Variants in SLC4A7 observed in about 807,000 individuals in gnomAD.
The protein encoded by SLC4A7 is sodium bicarbonate cotransporter 3.
A neutral mutation model predicts 137.6 loss-of-function variants in SLC4A7; 51 were observed. That is an observed-to-expected ratio of 0.37 (90% CI 0.30 to 0.47). The LOEUF (loss-of-function observed/expected upper bound fraction) is 0.47. Among genes scored for constraint, SLC4A7 ranks in the 20% least tolerant of loss-of-function variants. The probability of loss-of-function intolerance (pLI) is 1.00; values close to 1 mark genes in which losing one functional copy is unlikely to be tolerated. For missense variants in SLC4A7, 1,247 were observed against 1,525.4 expected, an observed-to-expected ratio of 0.82 and a Z score of 3.04; for synonymous variants, 542 against 518.6, an observed-to-expected ratio of 1.05 and a Z score of -0.61.
At chr3:27,433,477 C>A (rs1038166142) in intron 6 of SLC4A7, among the ~76,000 whole-genome samples, 7 of 152,124 alleles carry the variant, frequency 4.6e-5, no homozygotes, top group African/African-American at 1.7e-4. Flanking sequence ...AATATGTAGA[C>A]CTGGGTCTGA....
chr3:27,463,831 T>A (rs1222974082), intron 1 of SLC4A7, among the ~76,000 whole-genome samples: 2 of 152,174 alleles, frequency 1.3e-5, no homozygotes, highest in African/African-American at 4.8e-5. Context: ...TTTGCTGTGT[T>A]GTTCTTTTCG....
At chr3:27,436,348 C>T in intron 5 of SLC4A7, 40 bp downstream of exon 5, 1 of 1,503,298 alleles carries the variant, frequency 6.7e-7, no homozygotes, top group Non-Finnish European at 9.2e-7. Context: ...TAAAATTCCA[C>T]TACACCTTAC....
At chr3:27,454,819 G>C (rs1470456672) in intron 1 of SLC4A7, among the ~76,000 whole-genome samples, 1 of 152,036 alleles carries the variant, frequency 6.6e-6, no homozygotes, top group African/African-American at 2.4e-5. Flanking sequence ...ACAATTGCCA[G>C]GATATGAAGC....
intron 3 of SLC4A7, among the ~76,000 whole-genome samples, chr3:27,444,711 T>A (rs1333309775): frequency 6.6e-6 from 1 of 152,240 alleles, no homozygotes; most frequent in African/African-American, 2.4e-5. Flanking sequence ...TTCTCTATCC[T>A]TTTGAGCATA....
intron 13 of SLC4A7, among the ~76,000 whole-genome samples, chr3:27,406,637 G>C (rs915082939): frequency 1.3e-5 from 2 of 151,984 alleles, no homozygotes; most frequent in African/African-American, 4.8e-5. Context: ...TAAGTCAAAG[G>C]AAAAAAATGG....
At chr3:27,448,029 T>G (rs1029209838) in intron 3 of SLC4A7, among the ~76,000 whole-genome samples, 6 of 151,686 alleles carry the variant, frequency 4.0e-5, no homozygotes, top group Non-Finnish European at 5.9e-5. Context: ...CTGGCCAACA[T>G]AGTGAAACCC....
chr3:27,453,345 T>C (rs972346701), intron 1 of SLC4A7, among the ~76,000 whole-genome samples: 1 of 152,230 alleles, frequency 6.6e-6, no homozygotes, highest in African/African-American at 2.4e-5. Context: ...CCGGGCCTGG[T>C]TGCTCACGCC....
chr3:27,442,503 G>A (rs570857792), intron 3 of SLC4A7, among the ~76,000 whole-genome samples: 49 of 150,868 alleles, frequency 3.2e-4, no homozygotes, highest in African/African-American at 1.1e-3. Context: ...GCGCAATCTC[G>A]GCTCACTAGC....
intron 3 of SLC4A7, among the ~76,000 whole-genome samples, chr3:27,446,996 C>T (rs2057707375): frequency 6.6e-6 from 1 of 151,144 alleles, no homozygotes; most frequent in Middle Eastern, 3.4e-3. Context: ...CAATTCTCTG[C>T]CTCAGCCTCC....
chr3:27,458,872 C>G (rs934552319), intron 1 of SLC4A7, among the ~76,000 whole-genome samples: 2 of 152,122 alleles, frequency 1.3e-5, no homozygotes, highest in Admixed American at 6.5e-5. Context: ...CACCTGTAAC[C>G]CCAGCTACTC....
At chr3:27,386,837 T>C (rs1360060712) in intron 22 of SLC4A7, among the ~76,000 whole-genome samples, 1 of 150,308 alleles carries the variant, frequency 6.7e-6, no homozygotes, top group Admixed American at 6.7e-5. Context: ...CTACAATTTA[T>C]TTTACCATTT....
chr3:27,381,354 C>T (rs991355523), intron 24 of SLC4A7, among the ~76,000 whole-genome samples: 1 of 152,112 alleles, frequency 6.6e-6, no homozygotes, highest in African/African-American at 2.4e-5. Flanking sequence ...TTACTAACAA[C>T]CATCATGGTA....
At chr3:27,469,189 A>G (rs2059134140) in intron 1 of SLC4A7, among the ~76,000 whole-genome samples, 2 of 152,244 alleles carry the variant, frequency 1.3e-5, no homozygotes, top group Admixed American at 1.3e-4. Flanking sequence ...TGCTCTCACA[A>G]CAATCATCAC....
chr3:27,404,764 C>T, intron 14 of SLC4A7, 66 bp downstream of exon 14: 6 of 1,297,526 alleles, frequency 4.6e-6, no homozygotes, highest in Middle Eastern at 2.0e-4. Flanking sequence ...TTAAATAATT[C>T]CCTTCTAAGT....
intron 8 of SLC4A7, chr3:27,422,913 A>T: frequency 2.4e-6 from 1 of 408,554 alleles, no homozygotes; most frequent in South Asian, 1.7e-5. Context: ...TGACAGAGGA[A>T]CAAAAATAAA....
chr3:27,432,396 A>AT (rs1256235373), intron 6 of SLC4A7, among the ~76,000 whole-genome samples: 1 of 152,180 alleles, frequency 6.6e-6, no homozygotes, highest in African/African-American at 2.4e-5. Flanking sequence ...AATACATATA[A>AT]TTTTTTATTT....
intron 1 of SLC4A7, among the ~76,000 whole-genome samples, chr3:27,463,781 T>C (rs2058827361): frequency 6.6e-6 from 1 of 152,142 alleles, no homozygotes; most frequent in African/African-American, 2.4e-5. Context: ...TGGAATTCAA[T>C]TGGTGAGATG....
In SLC4A7 at chr3:27,438,608, A is replaced by C. The variant is rs1023681197; in HGVS notation, c.290-1082T>G. On this transcript the variant is annotated intron_variant, in intron 3 of 25. Coordinates refer to ENST00000454389, the MANE Select transcript of SLC4A7 (RefSeq NM_001321103.2). Reference sequence around the variant, plus strand: ...CATAAAATAAAATAACATAACATAAAATAAAATAACAAAATAACATAACAT... The same window carrying C: ...CATAAAATAAAATAACATAACATAACATAAAATAACAAAATAACATAACAT... Among the ~76,000 whole-genome samples the C allele has an allele frequency of 4.0e-5, 6 of 150,964 alleles. No individual in the cohort carries two copies. In the East Asian group the frequency reaches 1.2e-3, roughly 29 times the overall value.
chr3:27,434,019 A>G lies in SLC4A7; in HGVS notation c.675T>C (p.His225=), dbSNP rs2056531386. The change falls in exon 6 of 26, where the codon CAT becomes CAC. Residue 225 remains histidine (H), a synonymous_variant. Coordinates refer to ENST00000454389, the MANE Select transcript of SLC4A7 (RefSeq NM_001321103.2). ...TGAATCTTTTCTCATTCTGATGATG[A>G]TGTCTCTTCAGAAGAGCTTCTCTGA... The part of the protein sequence containing the change: ...ENVREALLKR[H]HHQNEKRFTS... 1.2e-6 allele frequency: 2 copies of G among 1,612,952 alleles called. No homozygotes were observed. The highest frequency in any genetic ancestry group is 1.7e-6 in the Non-Finnish European group (2 of 1,179,170).
Sources: allele counts gnomAD v4.1 joint callset (sites outside exome capture counted in the v4.1 genomes callset), GRCh38; gene constraint gnomAD v4.1.1; transcripts MANE v1.5; gene names NCBI Gene and HGNC (gene_info 2026-07-23, HGNC 2026-07-21).